The following COL23A1 variants were observed in gnomAD, a reference collection of about 807,000 sequenced individuals.
COL23A1 encodes the protein collagen type XXIII alpha 1 chain.
In COL23A1, 97 loss-of-function variants were observed where a neutral mutation model predicts 99.3. That is an observed-to-expected ratio of 0.98 (90% confidence interval 0.83 to 1.16). The LOEUF is 1.16. Ranked by LOEUF, COL23A1 falls within the 50% of genes most tolerant of loss-of-function variation. The pLI, the probability that COL23A1 is intolerant of heterozygous loss-of-function variation, is 0.00. For synonymous variants in COL23A1, 320 were observed against 308.2 expected, an observed-to-expected ratio of 1.04 and a Z score of -0.40; for missense variants, 762 against 757.4, an observed-to-expected ratio of 1.01 and a Z score of -0.07.
At position 178,415,571 on chromosome 5, in the gene COL23A1, A is replaced by G. The variant is rs1266011188; in HGVS notation, c.362-108652T>C. On this transcript the variant is annotated intron_variant, in intron 2 of 28. Coordinates refer to ENST00000390654, the MANE Select transcript of COL23A1 (RefSeq NM_173465.4). This position sits in a 1 kb window ranked among gnomAD's most constrained non-coding sequence, Gnocchi z 4.6. ...AGGACACGAGGGACGCCCCTTGCAG[A>G]TACTTCCAATGTGCTGACTGCTGGC... is the stretch of plus-strand genomic sequence containing the variant. 6.6e-6 allele frequency among the ~76,000 whole-genome samples: 1 copy of G among 152,108 alleles called. No individual in the cohort carries two copies. Among genetic ancestry groups the G allele is most frequent in the Admixed American group, 6.5e-5 (1 of 15,276 alleles).
chr5:178,240,225 C>T (rs962648120), intron 27 of COL23A1, among the ~76,000 whole-genome samples: 13 of 152,162 alleles, frequency 8.5e-5, no homozygotes, highest in Non-Finnish European at 1.5e-5. Flanking sequence ...CACCAAGGCG[C>T]AAAACATGTC....
rs757960203 is a variant in COL23A1 at position 178,256,943 on chromosome 5, G to A, written c.775-15C>T. On this transcript the variant is annotated splice_polypyrimidine_tract_variant and intron_variant, in intron 13 of 28. Coordinates refer to ENST00000390654, the MANE Select transcript of COL23A1 (RefSeq NM_173465.4). ...CCTGGCTCGCCCTGAAACAGACACA[G>A]CTGCAGTGAGAGCAAGTGTGAGACG... The A allele has an allele frequency of 1.9e-6, 3 of 1,612,596 alleles. No individual in the cohort carries two copies. The highest frequency in any genetic ancestry group is 1.7e-6 in the Non-Finnish European group (2 of 1,179,436).
intron 17 of COL23A1, 59 bp from the exon 18 acceptor site, chr5:178,250,164 AGCCAGAGGGCCAG>A: frequency 1.2e-6 from 2 of 1,603,540 alleles, no homozygotes; most frequent in Non-Finnish European, 1.7e-6. Flanking sequence ...AGGTGTCAGC[AGCCAGAGGGCCAG>A]GACACACTGT....
chr5:178,457,577 T>C (rs905141551), intron 2 of COL23A1, among the ~76,000 whole-genome samples: 1 of 151,998 alleles, frequency 6.6e-6, no homozygotes, highest in African/African-American at 2.4e-5. Context: ...TAGAAAAAAA[T>C]TTTACTTCAA....
chr5:178,319,910 C>A (rs531766257), intron 2 of COL23A1, among the ~76,000 whole-genome samples: 87 of 146,658 alleles, frequency 5.9e-4, no homozygotes, highest in African/African-American at 2.2e-3. Flanking sequence ...CCACTGCTTC[C>A]CTGCACCCGG....
At chr5:178,391,776 C>T (rs963537117) in intron 2 of COL23A1, among the ~76,000 whole-genome samples, 2 of 152,144 alleles carry the variant, frequency 1.3e-5, no homozygotes, top group Non-Finnish European at 2.9e-5. Flanking sequence ...ACTTGTACGC[C>T]CATGTTCACA....
chr5:178,361,209 T>C (rs916332650), intron 2 of COL23A1, among the ~76,000 whole-genome samples: 112 of 152,350 alleles, frequency 7.4e-4, no homozygotes, highest in Non-Finnish European at 8.8e-5. Flanking sequence ...AAAACCACTC[T>C]TCCCTGCCAT....
chr5:178,420,669 TC>T (rs1362069390), intron 2 of COL23A1, among the ~76,000 whole-genome samples: 1 of 59,260 alleles, frequency 1.7e-5, no homozygotes, highest in African/African-American at 7.6e-5. Flanking sequence ...CTCCTCTCTT[TC>T]CCCCTCCCCT....
rs759748206 is a variant in COL23A1, at chr5:178,247,510, G to T, written c.1296+16C>A. 6.2e-7 allele frequency: 1 copy of T among 1,614,060 alleles called. No homozygotes were observed. Among genetic ancestry groups the T allele is most frequent in the South Asian group, 1.1e-5 (1 of 91,080 alleles). Reference sequence around the variant, plus strand: ...CGGTGAGTCTGAGGCCAGTAGAGGGGTCTGTGCCCACTCACCTTGGGACCC... The same window carrying T: ...CGGTGAGTCTGAGGCCAGTAGAGGGTTCTGTGCCCACTCACCTTGGGACCC... On this transcript the variant is annotated intron_variant, in intron 22 of 28. Coordinates refer to ENST00000390654, the MANE Select transcript of COL23A1 (RefSeq NM_173465.4).
At chr5:178,437,214 A>T (rs1487539016) in intron 2 of COL23A1, among the ~76,000 whole-genome samples, 1 of 152,180 alleles carries the variant, frequency 6.6e-6, no homozygotes. Context: ...TAAAAGAGAA[A>T]AACATACAAT....
intron 2 of COL23A1, among the ~76,000 whole-genome samples, chr5:178,553,467 GGAAAATCA>G (rs1384743503): frequency 1.3e-5 from 2 of 152,164 alleles, no homozygotes; most frequent in Admixed American, 6.5e-5. Flanking sequence ...ATTCATTTCT[GGAAAATCA>G]CCCGACATTG....
chr5:178,258,210 G>C (rs1479813925), intron 12 of COL23A1, among the ~76,000 whole-genome samples: 2 of 136,956 alleles, frequency 1.5e-5, no homozygotes. Flanking sequence ...TCACAGCTTG[G>C]GTGACAGAGT....
intron 2 of COL23A1, among the ~76,000 whole-genome samples, chr5:178,357,959 T>C (rs1280640841): frequency 6.7e-6 from 1 of 148,210 alleles, no homozygotes; most frequent in Non-Finnish European, 1.5e-5. Flanking sequence ...TATGTATATG[T>C]GTGTATGTGT....
intron 2 of COL23A1, among the ~76,000 whole-genome samples, chr5:178,532,052 C>T (rs2113216775): frequency 6.6e-6 from 1 of 152,354 alleles, no homozygotes; most frequent in East Asian, 1.9e-4. Context: ...CCCATGAGTG[C>T]AGGCTGGCTG....
chr5:178,363,676 C>A (rs932870336), intron 2 of COL23A1, among the ~76,000 whole-genome samples: 1 of 152,176 alleles, frequency 6.6e-6, no homozygotes, highest in African/African-American at 2.4e-5. Flanking sequence ...GGCCACAGAG[C>A]CGATGGCTGC....
chr5:178,487,619 C>T (rs984065687), intron 2 of COL23A1, among the ~76,000 whole-genome samples: 13 of 152,214 alleles, frequency 8.5e-5, no homozygotes, highest in East Asian at 3.9e-4. Flanking sequence ...GATGCCTGTC[C>T]GGGGAATGAC....
At chr5:178,467,721 T>TA (rs1271705664) in intron 2 of COL23A1, among the ~76,000 whole-genome samples, 16 of 152,226 alleles carry the variant, frequency 1.1e-4, no homozygotes, top group Non-Finnish European at 1.6e-4. Flanking sequence ...TTAATTCTTT[T>TA]TAATTGACTC....
intron 25 of COL23A1, among the ~76,000 whole-genome samples, chr5:178,244,619 C>T (rs1405795664): frequency 6.6e-6 from 1 of 152,214 alleles, no homozygotes; most frequent in Non-Finnish European, 1.5e-5. Context: ...TACCTCACCA[C>T]CACGTGGAAC....
intron 2 of COL23A1, among the ~76,000 whole-genome samples, chr5:178,549,671 C>G (rs1761900532): frequency 1.3e-5 from 2 of 151,986 alleles, no homozygotes; most frequent in African/African-American, 4.8e-5. Flanking sequence ...AAAAATTAGC[C>G]AGGCGTGGTG....
Sources: allele counts gnomAD v4.1 joint callset (sites outside exome capture counted in the v4.1 genomes callset), GRCh38; gene constraint gnomAD v4.1.1; non-coding constraint Gnocchi (gnomAD v3.1); transcripts MANE v1.5; gene names NCBI Gene and HGNC (gene_info 2026-07-23, HGNC 2026-07-21).